RCOR1: variants seen among roughly 807,000 people sequenced by gnomAD.
The protein encoded by RCOR1 is REST corepressor.
Under a neutral mutation model 64.0 loss-of-function variants are expected in RCOR1, and 12 were observed. The ratio of observed to expected loss-of-function variants is 0.19; its 90% CI spans 0.12 to 0.30. RCOR1 has a LOEUF of 0.30. Ranked by LOEUF, RCOR1 falls within the 10% of genes least tolerant of loss-of-function variation. The probability of loss-of-function intolerance (pLI) is 1.00; values close to 1 mark genes in which losing one functional copy is unlikely to be tolerated. For synonymous variants in RCOR1, 279 were observed against 227.2 expected, an observed-to-expected ratio of 1.23 and a Z score of -2.05; for missense variants, 502 against 621.2, an observed-to-expected ratio of 0.81 and a Z score of 2.04.
chr14:102,612,135 C>G (rs1251914753), intron 2 of RCOR1, among the ~76,000 whole-genome samples: 2 of 151,854 alleles, frequency 1.3e-5, no homozygotes, highest in African/African-American at 4.8e-5. Flanking sequence ...GGACAAAGAC[C>G]AAATACATAT....
At chr14:102,718,647 G>GT (rs1301440111) in intron 8 of RCOR1, among the ~76,000 whole-genome samples, 1 of 152,070 alleles carries the variant, frequency 6.6e-6, no homozygotes, top group Non-Finnish European at 1.5e-5. Flanking sequence ...TTTTCATCTT[G>GT]TTTTTTCTTT....
At chr14:102,710,131 A>T (rs1895929889) in intron 6 of RCOR1, among the ~76,000 whole-genome samples, 1 of 152,218 alleles carries the variant, frequency 6.6e-6, no homozygotes, top group Non-Finnish European at 1.5e-5. Flanking sequence ...CTCTTTCCTC[A>T]GCTAGAGCTT....
intron 2 of RCOR1, among the ~76,000 whole-genome samples, chr14:102,666,116 A>T (rs541591820): frequency 3.3e-5 from 5 of 152,312 alleles, no homozygotes; most frequent in African/African-American, 1.2e-4. Context: ...AAGCATTATT[A>T]GGAGTTAGCT....
At chr14:102,641,624 T>C (rs1894371410) in intron 2 of RCOR1, among the ~76,000 whole-genome samples, 2 of 152,080 alleles carry the variant, frequency 1.3e-5, no homozygotes, top group African/African-American at 4.8e-5. Flanking sequence ...TAATAATATT[T>C]ATGCCGTTTT....
intron 11 of RCOR1, 110 bp downstream of exon 11, chr14:102,722,526 T>G: frequency 1.2e-6 from 1 of 809,204 alleles, no homozygotes; most frequent in Non-Finnish European, 2.0e-6. Context: ...ATCAGCTGTA[T>G]TAGTAACTTC....
At chr14:102,647,718 G>A (rs1019224675) in intron 2 of RCOR1, among the ~76,000 whole-genome samples, 3 of 151,782 alleles carry the variant, frequency 2.0e-5, no homozygotes, top group Non-Finnish European at 2.9e-5. Flanking sequence ...TCCATCTGTC[G>A]CCCTGGCTGG....
chr14:102,726,368 TTTGCTGGC>T, intron 11 of RCOR1, 92 bp from the exon 12 acceptor site: 1 of 1,061,138 alleles, frequency 9.4e-7, no homozygotes, highest in Non-Finnish European at 1.4e-6. Context: ...GCTCTGCAGG[TTTGCTGGC>T]TACCTTCTCT....
chr14:102,616,202 GTA>G (rs1239747242), intron 2 of RCOR1, among the ~76,000 whole-genome samples: 29 of 136,674 alleles, frequency 2.1e-4, no homozygotes, highest in Admixed American at 4.7e-4. Context: ...AGATACATGT[GTA>G]TATGTGTGTG....
chr14:102,673,556 C>CG (rs1425105510), intron 2 of RCOR1, among the ~76,000 whole-genome samples: 4 of 151,838 alleles, frequency 2.6e-5, no homozygotes, highest in Non-Finnish European at 5.9e-5. Context: ...AGGATGGTCT[C>CG]GATCTCCTGA....
intron 3 of RCOR1, among the ~76,000 whole-genome samples, chr14:102,699,998 T>C (rs1436886386): frequency 1.3e-5 from 2 of 152,152 alleles, no homozygotes; most frequent in African/African-American, 4.8e-5. Context: ...CCACCTTATA[T>C]TGGAGTAGTA....
chr14:102,617,892 ACT>A (rs1371404265), intron 2 of RCOR1, among the ~76,000 whole-genome samples: 1 of 147,132 alleles, frequency 6.8e-6, no homozygotes, highest in Non-Finnish European at 1.5e-5. Flanking sequence ...CTGGCCCAAG[ACT>A]CTATCTCAAA....
intron 2 of RCOR1, among the ~76,000 whole-genome samples, chr14:102,652,180 A>G (rs892498977): frequency 6.6e-6 from 1 of 152,148 alleles, no homozygotes; most frequent in Non-Finnish European, 1.5e-5. Context: ...TACTTGTTTT[A>G]ACTTGCTGTT....
rs1369113200 is a variant in RCOR1 at position 102,726,358 on chromosome 14, G to T, written c.1420-110G>T. ...AAAAAAAAAAAAGAACTCGGTGTTT[G>T]CTCTGCAGGTTTGCTGGCTACCTTC... is the stretch of plus-strand genomic sequence containing the variant. On this transcript the variant is annotated intron_variant, in intron 11 of 11. Coordinates refer to ENST00000262241, the MANE Select transcript of RCOR1 (RefSeq NM_015156.4). 4 of 895,602 alleles carry T rather than the reference G, an allele frequency of 4.5e-6. No individual in the cohort carries two copies. In the Admixed American group the frequency reaches 8.2e-5, roughly 18 times the overall value. The allele number at this position is 895,602 out of a possible 1,614,324, so 55.5% of individuals were successfully genotyped here. A position where few individuals can be genotyped will look rare whatever the true frequency, so the allele number is the denominator to read the frequency against.
intron 2 of RCOR1, among the ~76,000 whole-genome samples, chr14:102,660,208 G>A (rs989289626): frequency 1.3e-5 from 2 of 152,030 alleles, no homozygotes; most frequent in Admixed American, 6.6e-5. Flanking sequence ...TCATCCTAAT[G>A]GGTTATCTTG....
chr14:102,722,803 A>G lies in RCOR1; in HGVS notation c.1419+387A>G, dbSNP rs558175828. On this transcript the variant is annotated intron_variant, in intron 11 of 11. Transcript: ENST00000262241. ...TGTCGATGAAGCTCCGTCATCTGCA[A>G]TGTGCAGTCACATCATCATGACGCA... Among the ~76,000 whole-genome samples the G allele has an allele frequency of 5.2e-4, 79 of 152,378 alleles. 1 individual carries two copies. The highest frequency in any genetic ancestry group is 6.8e-3 in the Middle Eastern group (2 of 294).
chr14:102,597,948 G>T (rs557965499), intron 2 of RCOR1, among the ~76,000 whole-genome samples: 2 of 151,296 alleles, frequency 1.3e-5, no homozygotes, highest in African/African-American at 4.9e-5. Flanking sequence ...TCAGCCTCCC[G>T]AGTAGCCGGG....
chr14:102,596,542 TC>T lies in RCOR1; in HGVS notation c.361+3219del, dbSNP rs1893252157. 2.0e-5 allele frequency among the ~76,000 whole-genome samples: 3 copies of T among 152,240 alleles called. No individual in the cohort carries two copies. The South Asian group carries it at 6.2e-4, about 32-fold the overall frequency. On this transcript the variant is annotated intron_variant, in intron 2 of 11. Transcript: ENST00000262241. Reference sequence around the variant, plus strand: ...AGTTTGATCCTTACTAGTTTTTATTTCCTCCTCCTACTTGTTTTTTTCTTTT... The same window carrying T: ...AGTTTGATCCTTACTAGTTTTTATTTCTCCTCCTACTTGTTTTTTTCTTTT...
At chr14:102,641,614 T>A (rs572128534) in intron 2 of RCOR1, among the ~76,000 whole-genome samples, 183 of 152,050 alleles carry the variant, frequency 1.2e-3, no homozygotes, top group African/African-American at 3.7e-3. Context: ...AAAAAAAAAA[T>A]AATAATATTT....
intron 2 of RCOR1, among the ~76,000 whole-genome samples, chr14:102,613,101 T>G (rs978576168): frequency 4.6e-5 from 7 of 152,080 alleles, no homozygotes; most frequent in Non-Finnish European, 1.0e-4. Context: ...TCGCTTTTTT[T>G]GTTTTGTTTT....
Sources: gnomAD v4.1 joint callset for allele counts (sites outside exome capture counted in the v4.1 genomes callset) on GRCh38, gnomAD v4.1.1 for gene constraint, MANE v1.5 for transcripts, NCBI Gene and HGNC (gene_info 2026-07-23, HGNC 2026-07-21) for gene names.